Variants in ROBO1 observed in about 807,000 individuals in gnomAD.
ROBO1 encodes roundabout guidance receptor 1, also known as roundabout homolog 1.
In ROBO1, 149 loss-of-function variants were observed where a neutral mutation model predicts 195.9. The ratio of observed to expected loss-of-function variants is 0.76; its 90% CI spans 0.67 to 0.87. The LOEUF is 0.87. Ranked by LOEUF, ROBO1 falls within the 40% of genes least tolerant of loss-of-function variation. ROBO1 has a pLI of 0.00. For missense variants in ROBO1, 1,933 were observed against 2,068.3 expected (o/e 0.93, Z 1.27); for synonymous variants, 816 against 733.2 (o/e 1.11, Z -1.82).
chr3:79,684,665 G>A (rs1947047739), intron 1 of ROBO1, among the ~76,000 whole-genome samples: 1 of 151,842 alleles, frequency 6.6e-6, no homozygotes, highest in African/African-American at 2.4e-5. Flanking sequence ...TGATGATGAT[G>A]ATGATGATGA....
In ROBO1 at chr3:78,859,164, G is replaced by C. The variant is rs112133250; in HGVS notation, c.499+79437C>G. On this transcript the variant is annotated intron_variant, in intron 4 of 30. Coordinates refer to ENST00000464233, the MANE Select transcript of ROBO1 (RefSeq NM_002941.4). ...AGGGTGACAGTAGTGGAGGTGGAGA[G>C]AAATATTACCGATAGAGCTGGAGTG... Among the ~76,000 whole-genome samples, 217 of 152,260 alleles carry C rather than the reference G, an allele frequency of 1.4e-3. 2 individuals carry two copies. Among genetic ancestry groups the C allele is most frequent in the African/African-American group, 5.1e-3 (210 of 41,546 alleles).
At chr3:79,083,155 C>T (rs1236119301) in intron 3 of ROBO1, among the ~76,000 whole-genome samples, 1 of 151,918 alleles carries the variant, frequency 6.6e-6, no homozygotes, top group African/African-American at 2.4e-5. Context: ...GAGACCATGC[C>T]GCTGCACTTC....
At chr3:79,487,638 T>A (rs938263038) in intron 2 of ROBO1, among the ~76,000 whole-genome samples, 1 of 152,168 alleles carries the variant, frequency 6.6e-6, no homozygotes, top group Non-Finnish European at 1.5e-5. Context: ...TATGTTTAGG[T>A]TCTATGTTAT....
intron 2 of ROBO1, among the ~76,000 whole-genome samples, chr3:79,564,076 G>GTTGGAATTGGAATTGGA (rs1943013552): frequency 1.3e-5 from 2 of 150,156 alleles, no homozygotes; most frequent in Admixed American, 1.3e-4. Context: ...AGTTTGAAAA[G>GTTGGAATTGGAATTGGA]ACTCCAATTC....
chr3:78,847,597 C>A (rs1340110115), intron 4 of ROBO1, among the ~76,000 whole-genome samples: 1 of 152,064 alleles, frequency 6.6e-6, no homozygotes, highest in East Asian at 1.9e-4. Flanking sequence ...ATAATAACAC[C>A]TTCCTTCGAA....
intron 1 of ROBO1, among the ~76,000 whole-genome samples, chr3:79,676,576 G>A (rs531169210): frequency 2.0e-5 from 3 of 152,108 alleles, no homozygotes; most frequent in African/African-American, 7.2e-5. Context: ...GCTGACTATT[G>A]TTAGGTTGCT....
chr3:78,921,475 C>A (rs1414853849), intron 4 of ROBO1, among the ~76,000 whole-genome samples: 1 of 152,144 alleles, frequency 6.6e-6, no homozygotes, highest in Non-Finnish European at 1.5e-5. Context: ...TAAACAATAA[C>A]TGCAACACAG....
chr3:79,461,892 G>T (rs1421751245), intron 2 of ROBO1, among the ~76,000 whole-genome samples: 1 of 152,022 alleles, frequency 6.6e-6, no homozygotes, highest in South Asian at 2.1e-4. Context: ...TCAAAAAAAG[G>T]TTGTGTAAAG....
chr3:79,644,237 T>C (rs1234726252), intron 1 of ROBO1, among the ~76,000 whole-genome samples: 1 of 152,012 alleles, frequency 6.6e-6, no homozygotes, highest in Admixed American at 6.6e-5. Context: ...AAGGAAAAGG[T>C]AGACTACAAT....
At chr3:79,634,270 T>A (rs1945431579) in intron 1 of ROBO1, among the ~76,000 whole-genome samples, 1 of 152,134 alleles carries the variant, frequency 6.6e-6, no homozygotes, top group Non-Finnish European at 1.5e-5. Context: ...AGCAAGGGAA[T>A]TTGGTTGTCA....
At chr3:79,107,664 C>T (rs1336651490) in intron 3 of ROBO1, among the ~76,000 whole-genome samples, 3 of 151,478 alleles carry the variant, frequency 2.0e-5, no homozygotes, top group African/African-American at 7.3e-5. Flanking sequence ...TTCTAAATTA[C>T]CTGTATTGAG....
intron 8 of ROBO1, among the ~76,000 whole-genome samples, chr3:78,711,654 T>A (rs530971713): frequency 1.2e-4 from 10 of 86,104 alleles, no homozygotes; most frequent in African/African-American, 4.7e-4. Context: ...CCCAGCTAAT[T>A]TTTTTTGTAT....
intron 3 of ROBO1, among the ~76,000 whole-genome samples, chr3:78,983,824 T>A (rs78162201): frequency 6.6e-6 from 1 of 152,148 alleles, no homozygotes; most frequent in African/African-American, 2.4e-5. Context: ...GGAGGGCGAC[T>A]GGAGTGGCAG....
At chr3:79,673,620 G>A (rs867048055) in intron 1 of ROBO1, among the ~76,000 whole-genome samples, 1 of 151,968 alleles carries the variant, frequency 6.6e-6, no homozygotes, top group African/African-American at 2.4e-5. Flanking sequence ...TGAAAGGGCT[G>A]TGTTTCTAGA....
At chr3:78,889,093 A>G (rs2036734470) in intron 4 of ROBO1, among the ~76,000 whole-genome samples, 1 of 152,242 alleles carries the variant, frequency 6.6e-6, no homozygotes, top group African/African-American at 2.4e-5. Context: ...TAGATGCTGC[A>G]ATTTCAAGAG....
chr3:79,093,604 C>T (rs1366617225), intron 3 of ROBO1, among the ~76,000 whole-genome samples: 1 of 152,082 alleles, frequency 6.6e-6, no homozygotes, highest in East Asian at 1.9e-4. Flanking sequence ...GATACTCCTA[C>T]TACCATGCCC....
At chr3:78,661,843 A>T in intron 15 of ROBO1, 150 bp downstream of exon 15, 1 of 962,934 alleles carries the variant, frequency 1.0e-6, no homozygotes, top group Non-Finnish European at 1.5e-6. Flanking sequence ...TTCTGTTTAA[A>T]CCAAACTAAT....
chr3:79,052,415 C>A (rs1299490305), intron 3 of ROBO1, among the ~76,000 whole-genome samples: 2 of 152,012 alleles, frequency 1.3e-5, no homozygotes. Context: ...AGGACATGGA[C>A]CTTCATCAGT....
chr3:78,819,813 C>T (rs192406641), intron 4 of ROBO1, among the ~76,000 whole-genome samples: 1 of 152,204 alleles, frequency 6.6e-6, no homozygotes, highest in Admixed American at 6.5e-5. Context: ...TGCCACCAAC[C>T]CGATACACAC....
Sources: allele counts gnomAD v4.1 joint callset (sites outside exome capture counted in the v4.1 genomes callset), GRCh38; gene constraint gnomAD v4.1.1; transcripts MANE v1.5; gene names NCBI Gene and HGNC (gene_info 2026-07-23, HGNC 2026-07-21).